The following CD47 variants were observed in gnomAD, a reference collection of about 807,000 sequenced individuals.
CD47 encodes the protein CD47 molecule, also known as leukocyte surface antigen CD47.
Under a neutral mutation model 44.6 loss-of-function variants are expected in CD47, and 11 were observed. The observed-to-expected ratio is 0.25, with a 90% CI of 0.16 to 0.41. The LOEUF (loss-of-function observed/expected upper bound fraction) is 0.41, where lower values mean the gene tolerates loss of function less well. CD47 is among the 10% of genes least tolerant of loss of function. The pLI, the probability that CD47 is intolerant of heterozygous loss-of-function variation, is 1.00. For missense variants in CD47, 306 were observed against 386.7 expected (o/e 0.79, Z 1.75); for synonymous variants, 140 against 136.3 (o/e 1.03, Z -0.19).
rs551634408 is a variant in CD47, at chr3:108,065,807, G to A, written c.491-4955C>T. On this transcript the variant is annotated intron_variant, in intron 3 of 10. Transcript: ENST00000361309. ...AGCCTGGGCAACAGAGCGAGACTCC[G>A]TCTCAAAAAAAAAAAAAAAAAAAAA... Among the ~76,000 whole-genome samples, 40 of 72,032 alleles carry A rather than the reference G, an allele frequency of 5.6e-4. No homozygotes were observed. The South Asian group carries it at 0.013, about 24-fold the overall frequency. The allele number at this position is 72,032 out of a possible 152,430, so 47.3% of individuals were successfully genotyped here.
At chr3:108,081,520 C>T (rs1479488595) in intron 1 of CD47, among the ~76,000 whole-genome samples, 1 of 151,866 alleles carries the variant, frequency 6.6e-6, no homozygotes, top group Non-Finnish European at 1.5e-5. Context: ...CAATAAATAC[C>T]CCATGAATTG....
chr3:108,060,910 T>A, intron 3 of CD47, 58 bp from the exon 4 acceptor site: 2 of 1,151,296 alleles, frequency 1.7e-6, no homozygotes, highest in East Asian at 4.8e-5. Flanking sequence ...GCCATTTTAA[T>A]AACTTGTAAG....
intron 1 of CD47, among the ~76,000 whole-genome samples, chr3:108,090,612 C>A (rs1023117525): frequency 6.6e-6 from 1 of 152,152 alleles, no homozygotes; most frequent in Non-Finnish European, 1.5e-5. Flanking sequence ...GATGGAGAAC[C>A]GGGTGGAGGA....
intron 3 of CD47, 99 bp downstream of exon 3, chr3:108,070,994 A>T: frequency 1.7e-6 from 1 of 587,470 alleles, no homozygotes; most frequent in Non-Finnish European, 3.0e-6. Context: ...TCATAATAGC[A>T]CTTTTCCTAG....
In CD47 at chr3:108,067,239, T is replaced by A. The variant is rs72948533; in HGVS notation, c.490+3854A>T. ...TTTAAGGTTTTAACAACAAAAAAAA[T>A]TTTAAAGGTCATGGAACAATATAAT... On this transcript the variant is annotated intron_variant, in intron 3 of 10. Transcript: ENST00000361309. 4.3e-3 allele frequency among the ~76,000 whole-genome samples: 658 copies of A among 152,320 alleles called. 5 individuals are homozygous for A. Among genetic ancestry groups the A allele is most frequent in the African/African-American group, 0.015 (617 of 41,572 alleles).
At chr3:108,054,079 A>G (rs1002092514) in intron 7 of CD47, 9 of 152,200 alleles carry the variant, frequency 5.9e-5, no homozygotes, top group Non-Finnish European at 5.9e-5. Context: ...GAGCTCATAA[A>G]TGTATTTATC....
chr3:108,059,422 C>A, intron 5 of CD47, 30 bp downstream of exon 5: 5 of 1,121,450 alleles, frequency 4.5e-6, no homozygotes, highest in Non-Finnish European at 6.3e-6. Flanking sequence ...AAAAGGTAGA[C>A]AAAATCATAC....
At chr3:108,047,960 A>G (rs1559971138) in intron 10 of CD47, among the ~76,000 whole-genome samples, 1 of 152,228 alleles carries the variant, frequency 6.6e-6, no homozygotes, top group Non-Finnish European at 1.5e-5. Flanking sequence ...AGAGGCACTC[A>G]AGATTCTTAG....
chr3:108,055,419 A>C, intron 7 of CD47: 1 of 615,486 alleles, frequency 1.6e-6, no homozygotes, highest in Non-Finnish European at 2.5e-6. Flanking sequence ...TGCAACCTTA[A>C]TGTTACATAG....
chr3:108,060,214 C>T (rs1387914950), intron 4 of CD47, among the ~76,000 whole-genome samples: 1 of 152,124 alleles, frequency 6.6e-6, no homozygotes, highest in Non-Finnish European at 1.5e-5. Context: ...CCTCCTAATC[C>T]CTAAAACCTG....
chr3:108,076,916 A>T (rs562339652), intron 2 of CD47, among the ~76,000 whole-genome samples: 22 of 152,304 alleles, frequency 1.4e-4, no homozygotes, highest in African/African-American at 4.6e-4. Flanking sequence ...TGAGGGACAG[A>T]TAGGTTGAGT....
chr3:108,080,653 T>C (rs560431759), intron 1 of CD47, among the ~76,000 whole-genome samples: 1 of 152,066 alleles, frequency 6.6e-6, no homozygotes, highest in African/African-American at 2.4e-5. Context: ...TATCTGGCTT[T>C]GGAAGCTTTG....
intron 3 of CD47, among the ~76,000 whole-genome samples, chr3:108,061,477 C>G (rs543177279): frequency 6.6e-6 from 1 of 152,004 alleles, no homozygotes; most frequent in Non-Finnish European, 1.5e-5. Flanking sequence ...GCAGATTACA[C>G]CCTTGTGAAA....
In CD47 at chr3:108,058,324, A is replaced by G. The variant is rs2078951448; in HGVS notation, c.784+13T>C. On this transcript the variant is annotated intron_variant, in intron 6 of 10. Coordinates refer to ENST00000361309, the MANE Select transcript of CD47 (RefSeq NM_001777.4). The stretch of plus-strand genomic sequence containing the variant: ...AGTAACCCAAATTAGGTCTACAGAA[A>G]GATGACTCTTACCCGCAATACAGAG... 6.6e-7 allele frequency: 1 copy of G among 1,503,832 alleles called. No individual in the cohort carries two copies. Among genetic ancestry groups the G allele is most frequent in the East Asian group, 2.4e-5 (1 of 41,018 alleles). The allele number at this position is 1,503,832 out of a possible 1,614,324, so 93.2% of individuals were successfully genotyped here.
intron 1 of CD47, among the ~76,000 whole-genome samples, chr3:108,082,902 T>C (rs959836813): frequency 6.6e-6 from 1 of 151,950 alleles, no homozygotes; most frequent in Non-Finnish European, 1.5e-5. Flanking sequence ...TAGTAATTAA[T>C]AAATAAGGGC....
chr3:108,064,201 G>T (rs1576998889), intron 3 of CD47, among the ~76,000 whole-genome samples: 2 of 152,108 alleles, frequency 1.3e-5, no homozygotes, highest in African/African-American at 4.8e-5. Context: ...TGCTGACAGT[G>T]AACACGAAAA....
chr3:108,062,781 ACAGGCATGCGCCAC>A lies in CD47; in HGVS notation c.491-1943_491-1930del, dbSNP rs1355688245. The stretch of plus-strand genomic sequence containing the variant: ...CTCAGCCTCCCGAGTAGCTGGGACT[ACAGGCATGCGCCAC>A]CAGGCCTGGCTAATTTTTGAATTCT... On this transcript the variant is annotated intron_variant, in intron 3 of 10. Coordinates refer to ENST00000361309, the MANE Select transcript of CD47 (RefSeq NM_001777.4). Among the ~76,000 whole-genome samples the A allele has an allele frequency of 6.6e-5, 10 of 151,096 alleles. No homozygotes were observed. In the South Asian group the frequency reaches 2.1e-3, roughly 32 times the overall value.
intron 3 of CD47, among the ~76,000 whole-genome samples, chr3:108,068,412 C>T (rs1392458059): frequency 6.6e-6 from 1 of 152,184 alleles, no homozygotes; most frequent in Admixed American, 6.5e-5. Context: ...AATCAGTAGG[C>T]ACCCTGTCAC....
At chr3:108,059,304 G>T in intron 5 of CD47, 148 bp downstream of exon 5, 1 of 423,684 alleles carries the variant, frequency 2.4e-6, no homozygotes, top group Non-Finnish European at 4.3e-6. Flanking sequence ...ATATGAATGG[G>T]AAAATGTCAC....
Sources: allele counts gnomAD v4.1 joint callset (sites outside exome capture counted in the v4.1 genomes callset), GRCh38; gene constraint gnomAD v4.1.1; transcripts MANE v1.5; gene names NCBI Gene and HGNC (gene_info 2026-07-23, HGNC 2026-07-21).